Variants in DHX15 observed in about 807,000 individuals in gnomAD.
DHX15 encodes ATP-dependent RNA helicase DHX15.
In DHX15, 11 loss-of-function variants were observed where a neutral mutation model predicts 94.4. The observed-to-expected ratio is 0.12, with a 90% confidence interval of 0.07 to 0.19. The LOEUF (loss-of-function observed/expected upper bound fraction) is 0.19, where lower values mean the gene tolerates loss of function less well. Ranked by LOEUF, DHX15 falls within the 10% of genes least tolerant of loss-of-function variation. The pLI is 1.00. For missense variants in DHX15, 304 were observed against 988.5 expected (o/e 0.31, Z 9.29); for synonymous variants, 338 against 329.9 (o/e 1.02, Z -0.27).
intron 1 of DHX15, among the ~76,000 whole-genome samples, chr4:24,580,547 T>C (rs181983389): frequency 2.0e-5 from 3 of 151,312 alleles, no homozygotes; most frequent in East Asian, 2.0e-4. Context: ...CTACCTCTGT[T>C]ACCCAGGCTG....
At chr4:24,572,592 A>G (rs1018841586) in intron 2 of DHX15, among the ~76,000 whole-genome samples, 3 of 152,250 alleles carry the variant, frequency 2.0e-5, no homozygotes, top group South Asian at 2.1e-4. Flanking sequence ...TTTACTGTTA[A>G]GAAATTAAAA....
At chr4:24,531,982 T>A (rs920330741) in intron 12 of DHX15, among the ~76,000 whole-genome samples, 1 of 152,206 alleles carries the variant, frequency 6.6e-6, no homozygotes, top group South Asian at 2.1e-4. Context: ...ACTGAGCCCA[T>A]CTGGCCTTAA....
At chr4:24,541,040 T>G in intron 8 of DHX15, 92 bp from the exon 9 acceptor site, 1 of 688,544 alleles carries the variant, frequency 1.5e-6, no homozygotes, top group Non-Finnish European at 2.5e-6. Context: ...CCTGAGCTAT[T>G]TGTTTTGGCA....
chr4:24,580,970 T>C (rs1053116978), intron 1 of DHX15: 2 of 152,150 alleles, frequency 1.3e-5, no homozygotes, highest in Non-Finnish European at 2.9e-5. Context: ...GGATATTGGT[T>C]AAATAAGTGA....
Position 24,576,305 on chromosome 4 carries a change from T to C in DHX15, c.445A>G (p.Ile149Val), listed in dbSNP as rs748916822. ...ACAAAGGACTGATGTCTAACCAGAATATCTGTAAACCTATCCTTGTATTCC... is the reference window on the plus strand; with the variant it reads ...ACAAAGGACTGATGTCTAACCAGAACATCTGTAAACCTATCCTTGTATTCC... ...VWEYKDRFTD[I>V]LVRHQSFVLV... The change falls in exon 2 of 14, where the codon ATT becomes GTT. Residue 149 changes from isoleucine to valine, a missense_variant. Physicochemically the swap from Ile to Val is conservative, Grantham distance 29 (BLOSUM62 3). Coordinates refer to ENST00000336812, the MANE Select transcript of DHX15 (RefSeq NM_001358.3). 1 of 1,614,212 alleles carries C rather than the reference T, an allele frequency of 6.2e-7. No homozygotes were observed. The highest frequency in any genetic ancestry group is 1.1e-5 in the South Asian group (1 of 91,080).
At chr4:24,569,591 CAAAAAAA>C (rs60075617) in intron 3 of DHX15, among the ~76,000 whole-genome samples, 6 of 68,674 alleles carry the variant, frequency 8.7e-5, no homozygotes, top group East Asian at 5.2e-4. Context: ...GACTCCATCT[CAAAAAAA>C]AAAAAAAAAA....
intron 3 of DHX15, among the ~76,000 whole-genome samples, chr4:24,557,401 C>T (rs1721761517): frequency 6.6e-6 from 1 of 152,130 alleles, no homozygotes; most frequent in Admixed American, 6.5e-5. Context: ...TATGAATTCA[C>T]CATTTTGGCT....
chr4:24,575,583 C>T (rs1168056692), intron 2 of DHX15, among the ~76,000 whole-genome samples: 1 of 152,182 alleles, frequency 6.6e-6, no homozygotes, highest in Non-Finnish European at 1.5e-5. Context: ...AATTGATACG[C>T]TCCCTCTGGA....
chr4:24,568,056 C>T (rs1472750389), intron 3 of DHX15, among the ~76,000 whole-genome samples: 3 of 152,170 alleles, frequency 2.0e-5, no homozygotes, highest in African/African-American at 7.2e-5. Context: ...ACTGAAGAAA[C>T]TATCTTATAG....
chr4:24,559,031 A>G (rs1275404904), intron 3 of DHX15, among the ~76,000 whole-genome samples: 1 of 152,158 alleles, frequency 6.6e-6, no homozygotes, highest in Non-Finnish European at 1.5e-5. Flanking sequence ...CATTACTCAG[A>G]AATAGGGTCT....
intron 1 of DHX15, chr4:24,584,080 C>T: frequency 1.9e-6 from 1 of 526,156 alleles, no homozygotes; most frequent in South Asian, 2.5e-5. Context: ...GCCCTCATGG[C>T]TACTGCAGGC....
chr4:24,550,115 A>AAAAAAAAAAC (rs1560766871), intron 5 of DHX15, among the ~76,000 whole-genome samples: 1 of 144,124 alleles, frequency 6.9e-6, no homozygotes, highest in African/African-American at 2.5e-5. Context: ...AAAAAAAAAA[A>AAAAAAAAAAC]AAAAAAAACG....
intron 2 of DHX15, among the ~76,000 whole-genome samples, chr4:24,572,411 T>G (rs576217135): frequency 1.3e-5 from 2 of 152,116 alleles, no homozygotes; most frequent in African/African-American, 4.8e-5. Context: ...GCTGGGATTA[T>G]AGGCGTGAGC....
At chr4:24,562,179 A>G (rs912235034) in intron 3 of DHX15, among the ~76,000 whole-genome samples, 4 of 151,734 alleles carry the variant, frequency 2.6e-5, no homozygotes, top group African/African-American at 9.7e-5. Flanking sequence ...CTCCTACAAC[A>G]TGCAATTTAC....
intron 8 of DHX15, among the ~76,000 whole-genome samples, chr4:24,541,632 G>C (rs1721314908): frequency 6.6e-6 from 1 of 152,106 alleles, no homozygotes; most frequent in Non-Finnish European, 1.5e-5. Context: ...GTATATGTAA[G>C]TAAGGTTCAG....
chr4:24,569,591 C>CAAAAAAAAAAA (rs60075617), intron 3 of DHX15, among the ~76,000 whole-genome samples: 2 of 68,678 alleles, frequency 2.9e-5, no homozygotes, highest in Non-Finnish European at 5.3e-5. Context: ...GACTCCATCT[C>CAAAAAAAAAAA]AAAAAAAAAA....
At chr4:24,557,663 G>T (rs1230710330) in intron 3 of DHX15, among the ~76,000 whole-genome samples, 1 of 152,060 alleles carries the variant, frequency 6.6e-6, no homozygotes, top group Non-Finnish European at 1.5e-5. Context: ...ATTCCTGGGA[G>T]GGACAAACAG....
chr4:24,550,094 CAAAAAAAAAAAAAAAA>C (rs58459661), intron 5 of DHX15, among the ~76,000 whole-genome samples: 6 of 49,734 alleles, frequency 1.2e-4, no homozygotes, highest in Admixed American at 3.3e-4. Context: ...AACTCCGTCT[CAAAAAAAAAAAAAAAA>C]AAAAAAAAAA....
Position 24,562,131 on chromosome 4 carries a change from CAAAAAAA to C in DHX15, c.702-5728_702-5722del, listed in dbSNP as rs71196191. Among the ~76,000 whole-genome samples the C allele has an allele frequency of 4.2e-4, 33 of 77,822 alleles. 1 individual carries two copies. The highest frequency in any genetic ancestry group is 3.8e-3 in the East Asian group (9 of 2,338). 51.1% of individuals were successfully genotyped at this position (77,822 alleles called of 152,430 possible). On this transcript the variant is annotated intron_variant, in intron 3 of 13. Coordinates refer to ENST00000336812, the MANE Select transcript of DHX15 (RefSeq NM_001358.3). Reference sequence around the variant, plus strand: ...AGCCTGGAAGAGTGAGACACTGTCTCAAAAAAAAAAAAAAAAAAAAAAAATCTGTACA... The same window carrying C: ...AGCCTGGAAGAGTGAGACACTGTCTCAAAAAAAAAAAAAAAAATCTGTACA...
Sources: allele counts gnomAD v4.1 joint callset (sites outside exome capture counted in the v4.1 genomes callset), GRCh38; gene constraint gnomAD v4.1.1; transcripts MANE v1.5; gene names NCBI Gene and HGNC (gene_info 2026-07-23, HGNC 2026-07-21).